STARD9: variants seen among roughly 807,000 people sequenced by gnomAD.
STARD9 encodes the protein stAR-related lipid transfer protein 9.
STARD9 carries 346 observed loss-of-function variants against 399.8 expected under a neutral mutation model. That is an observed-to-expected ratio of 0.87 (90% CI 0.79 to 0.95). The LOEUF is 0.95. Among genes scored for constraint, STARD9 ranks in the 40% least tolerant of loss-of-function variants. STARD9 has a pLI of 0.00. For missense variants in STARD9, 5,832 were observed against 5,667.5 expected (o/e 1.03, Z -0.93); for synonymous variants, 2,203 against 2,143.5 (o/e 1.03, Z -0.77).
intron 8 of STARD9, 76 bp downstream of exon 8, chr15:42,651,161 T>C (rs972802685): frequency 4.6e-5 from 50 of 1,087,672 alleles, no homozygotes; most frequent in Admixed American, 2.0e-4. Flanking sequence ...CTTTGGGGAG[T>C]GTATAATGAC....
chr15:42,578,394 G>A (rs1237845447), intron 1 of STARD9, among the ~76,000 whole-genome samples: 17 of 152,048 alleles, frequency 1.1e-4, no homozygotes, highest in Admixed American at 1.1e-3. Context: ...GAGCCACCAC[G>A]CCCAGCCTGA....
intron 3 of STARD9, among the ~76,000 whole-genome samples, chr15:42,592,301 G>A (rs914511360): frequency 6.6e-6 from 1 of 152,110 alleles, no homozygotes; most frequent in African/African-American, 2.4e-5. Flanking sequence ...TGAAGGATAT[G>A]GGAAAAGGAA....
At chr15:42,658,792 A>C (rs949622481) in intron 9 of STARD9, among the ~76,000 whole-genome samples, 1 of 151,684 alleles carries the variant, frequency 6.6e-6, no homozygotes, top group African/African-American at 2.4e-5. Flanking sequence ...CCCCTTTTGC[A>C]CTTTTAAAGA....
At position 42,575,632 on chromosome 15, in the gene STARD9, G is replaced by GGTTGGGGCTGT; in HGVS notation, c.-81_-71dup. On this transcript the variant is annotated 5_prime_UTR_variant, in exon 1 of 33. Coordinates refer to ENST00000290607, the MANE Select transcript of STARD9 (RefSeq NM_020759.3). ...GAGGCGCGTGGGGCGGGCGGGGCTGGGTTGGGGCTGTGTCTGGGCTTAGGG... is the reference window on the plus strand; with the variant it reads ...GAGGCGCGTGGGGCGGGCGGGGCTGGGTTGGGGCTGTGTTGGGGCTGTGTCTGGGCTTAGGG... 2 of 1,456,230 alleles carry GGTTGGGGCTGT rather than the reference G, an allele frequency of 1.4e-6. No homozygotes were observed. The highest frequency in any genetic ancestry group is 1.9e-6 in the Non-Finnish European group (2 of 1,076,990). The allele number at this position is 1,456,230 out of a possible 1,614,324, so 90.2% of individuals were successfully genotyped here. A position where few individuals can be genotyped will look rare whatever the true frequency, so the allele number is the denominator to read the frequency against.
At chr15:42,716,498 G>A (rs1312483808) in intron 26 of STARD9, among the ~76,000 whole-genome samples, 179 bp from the exon 27 acceptor site, 1 of 152,206 alleles carries the variant, frequency 6.6e-6, no homozygotes, top group East Asian at 1.9e-4. Flanking sequence ...AGATCGTCTA[G>A]ATACCTATTT....
At position 42,684,241 on chromosome 15, in the gene STARD9, G is replaced by A. The variant is rs988148975; in HGVS notation, c.2663G>A (p.Gly888Glu). ...GCTGCTTCCTACCCTGCAAGGACAG[G>A]GTGCCTCCGCAAGAACGGCCTGCAT... ...PQAASYPARTGCLRKNGLHSS... is the reference protein window; with the variant it reads ...PQAASYPARTECLRKNGLHSS... The change falls in exon 23 of 33, where the codon GGG becomes GAG. Residue 888 changes from glycine (G) to glutamate (E), a missense_variant. Gly to Glu is a moderately conservative substitution (Grantham distance 98). Coordinates refer to ENST00000290607, the MANE Select transcript of STARD9 (RefSeq NM_020759.3). 16 of 1,537,150 alleles carry A rather than the reference G, an allele frequency of 1.0e-5. No individual in the cohort carries two copies. The highest frequency in any genetic ancestry group is 3.9e-5 in the Admixed American group (2 of 50,984).
At chr15:42,621,751 A>G (rs1458637310) in intron 3 of STARD9, among the ~76,000 whole-genome samples, 1 of 152,210 alleles carries the variant, frequency 6.6e-6, no homozygotes, top group African/African-American at 2.4e-5. Flanking sequence ...GGACAAACTT[A>G]AAATCTGCAA....
In STARD9 at chr15:42,674,859, T is replaced by G. The variant is rs1473610792; in HGVS notation, c.1582T>G (p.Cys528Gly). 2 of 1,536,474 alleles carry G rather than the reference T, an allele frequency of 1.3e-6. No homozygotes were observed. The highest frequency in any genetic ancestry group is 2.7e-5 in the African/African-American group (2 of 73,026). Residue 528 changes from cysteine (C) to glycine (G), a missense_variant, in exon 18 of 33, where the codon TGC (cysteine) becomes GGC (glycine). Coordinates refer to ENST00000290607, the MANE Select transcript of STARD9 (RefSeq NM_020759.3). ...LQGQWIERDH[C>G]TITSACGVVV... ...GGGTCAGTGGATTGAGAGAGACCACTGCACTATCACCAGTGCCTGTGGTGT... is the reference window on the plus strand; with the variant it reads ...GGGTCAGTGGATTGAGAGAGACCACGGCACTATCACCAGTGCCTGTGGTGT...
rs1160252101 is a variant in STARD9 at position 42,684,293 on chromosome 15, A to G, written c.2715A>G (p.Thr905=). Residue 905 remains threonine (T), a synonymous_variant, in exon 23 of 33, where the codon ACA becomes ACG. Transcript: ENST00000290607. Reference sequence around the variant, plus strand: ...CCTCAGGTCATGGGCAGCCCTGCACAGCCAGAGCAGCCTTGGCCAGGAAGG... The same window carrying G: ...CCTCAGGTCATGGGCAGCCCTGCACGGCCAGAGCAGCCTTGGCCAGGAAGG... ...LHSSGHGQPC[T]ARAALARKGA... is the part of the protein sequence containing the mutation. 6.5e-7 allele frequency: 1 copy of G among 1,537,016 alleles called. No homozygotes were observed. Among genetic ancestry groups the G allele is most frequent in the South Asian group, 1.2e-5 (1 of 84,056 alleles).
At position 42,581,595 on chromosome 15, in the gene STARD9, C is replaced by G; in HGVS notation, c.48-1751C>G. ...GGAAAAGCGAGCTCTGCGCACTCCT[C>G]GCTCGCTTCCTCTAGTTCCCTCGTC... is the stretch of plus-strand genomic sequence containing the variant. On this transcript the variant is annotated intron_variant, in intron 1 of 32. Coordinates refer to ENST00000290607, the MANE Select transcript of STARD9 (RefSeq NM_020759.3). 1.2e-5 allele frequency: 9 copies of G among 751,292 alleles called. No individual in the cohort carries two copies. In the South Asian group the frequency reaches 1.3e-4, roughly 11 times the overall value. 46.5% of individuals were successfully genotyped at this position (751,292 alleles called of 1,614,324 possible). A position where few individuals can be genotyped will look rare whatever the true frequency, so the allele number is the denominator to read the frequency against.
In STARD9 at chr15:42,681,573, G is replaced by A; in HGVS notation, c.2026G>A (p.Glu676Lys). ...AGAGATTCGAGCTGCGAAGGAACTG[G>A]AATTTGACCAAGCTTGGATTAGCCA... ...AEEIRAAKEL[E>K]FDQAWISQQI... Residue 676 changes from glutamate to lysine, a missense_variant, in exon 21 of 33, where the codon GAA (glutamate) becomes AAA (lysine). Glu to Lys is a moderately conservative substitution (Grantham distance 56). Coordinates refer to ENST00000290607, the MANE Select transcript of STARD9 (RefSeq NM_020759.3). 1 of 1,537,192 alleles carries A rather than the reference G, an allele frequency of 6.5e-7. No homozygotes were observed. Among genetic ancestry groups the A allele is most frequent in the Non-Finnish European group, 8.7e-7 (1 of 1,146,872 alleles).
intron 20 of STARD9, 67 bp downstream of exon 20, chr15:42,676,042 GATC>G: frequency 6.2e-6 from 3 of 484,304 alleles, no homozygotes; most frequent in South Asian, 1.6e-5. Context: ...TGACAGCATG[GATC>G]AGGGTGGGGG....
chr15:42,719,023 T>A, intron 32 of STARD9, 113 bp downstream of exon 32: 1 of 989,550 alleles, frequency 1.0e-6, no homozygotes, highest in Non-Finnish European at 1.5e-6. Context: ...CCCTTTGGCC[T>A]GAGACCTGGA....
In STARD9 at chr15:42,692,791, C is replaced by T. The variant is rs941715430; in HGVS notation, c.11213C>T (p.Thr3738Ile). ...TQTTVDEGSQTDLTLPTLCLQ... is the reference protein window; with the variant it reads ...TQTTVDEGSQIDLTLPTLCLQ... The stretch of plus-strand genomic sequence containing the variant: ...ACCACTGTGGATGAGGGCAGCCAGA[C>T]TGACCTCACCTTACCCACCCTGTGC... The change falls in exon 23 of 33, where the codon ACT becomes ATT. Residue 3738 changes from threonine to isoleucine, a missense_variant. Coordinates refer to ENST00000290607, the MANE Select transcript of STARD9 (RefSeq NM_020759.3). The T allele has an allele frequency of 5.2e-6, 8 of 1,537,226 alleles. No individual in the cohort carries two copies. The highest frequency in any genetic ancestry group is 7.0e-6 in the Non-Finnish European group (8 of 1,146,916).
chr15:42,696,429 G>A, intron 26 of STARD9, among the ~76,000 whole-genome samples: 1 of 152,152 alleles, frequency 6.6e-6, no homozygotes, highest in Admixed American at 6.5e-5. Context: ...TAGTGTGGTT[G>A]GAATGTAAAG....
intron 11 of STARD9, 166 bp downstream of exon 11, chr15:42,663,057 C>CTCTACT: frequency 1.4e-6 from 1 of 691,238 alleles, no homozygotes; most frequent in South Asian, 2.0e-5. Flanking sequence ...AGAATGCTGT[C>CTCTACT]CTACTACCAT....
chr15:42,639,813 G>A (rs189795905), intron 7 of STARD9, among the ~76,000 whole-genome samples: 2 of 150,962 alleles, frequency 1.3e-5, no homozygotes, highest in Admixed American at 1.3e-4. Context: ...GCAATGAGTC[G>A]AGATTGCGCA....
rs1200218924 is a variant in STARD9, at chr15:42,691,149, G to T, written c.9571G>T (p.Ala3191Ser). The change falls in exon 23 of 33, where the codon GCC becomes TCC. Residue 3191 changes from alanine to serine, a missense_variant. Ala to Ser is a moderately conservative substitution (Grantham distance 99). Transcript: ENST00000290607. ...LRDHNRLDSQ[A>S]KFVARLKHTC... Reference sequence around the variant, plus strand: ...GGATCACAATCGCTTGGATTCCCAAGCCAAGTTTGTAGCAAGGTTAAAACA... The same window carrying T: ...GGATCACAATCGCTTGGATTCCCAATCCAAGTTTGTAGCAAGGTTAAAACA... 9 of 1,537,270 alleles carry T rather than the reference G, an allele frequency of 5.9e-6. No individual in the cohort carries two copies. In the Admixed American group the frequency reaches 1.6e-4, roughly 27 times the overall value.
At chr15:42,595,827 G>A (rs1030901472) in intron 3 of STARD9, among the ~76,000 whole-genome samples, 5 of 152,174 alleles carry the variant, frequency 3.3e-5, no homozygotes, top group African/African-American at 9.7e-5. Context: ...AGTGGAAGAT[G>A]GGAGGGGTTA....
Sources: gnomAD v4.1 joint callset for allele counts (sites outside exome capture counted in the v4.1 genomes callset) on GRCh38, gnomAD v4.1.1 for gene constraint, MANE v1.5 for transcripts, NCBI Gene and HGNC (gene_info 2026-07-23, HGNC 2026-07-21) for gene names.